The following SNHG17 variants were observed in gnomAD, a reference collection of about 807,000 sequenced individuals.
SNHG17 encodes the protein small nucleolar RNA host gene 17, also known as small nucleolar RNA host gene 17 (non-protein coding).
chr20:38,425,025 C>CA (rs2084223065), intron 5 of SNHG17: 1 of 319,148 alleles, frequency 3.1e-6, no homozygotes, highest in Non-Finnish European at 6.3e-6. Context: ...TCCAGCCCCC[C>CA]ACCACTAGAC....
intron 3 of SNHG17, among the ~76,000 whole-genome samples, chr20:38,427,150 T>C (rs1375036881): frequency 7.2e-6 from 1 of 139,380 alleles, no homozygotes; most frequent in African/African-American, 2.6e-5. Context: ...ACATATCACA[T>C]TCCCTTCCTG....
At chr20:38,428,063 A>C (rs11905314) in intron 3 of SNHG17, 1 of 152,134 alleles carries the variant, frequency 6.6e-6, no homozygotes, top group Non-Finnish European at 1.5e-5. Flanking sequence ...ATTCCTCCAG[A>C]CTCAACCTGC....
rs1271752674 is a variant in SNHG17, at chr20:38,430,371, T to C, written n.380+670A>G. Among the ~76,000 whole-genome samples the C allele has an allele frequency of 2.6e-5, 4 of 151,920 alleles. No individual in the cohort carries two copies. In the East Asian group the frequency reaches 7.7e-4, roughly 29 times the overall value. The stretch of plus-strand genomic sequence containing the variant: ...TAGGCCGGGCACAGTGGCTCACACC[T>C]GTAATCACAGCACTTTGGGAGGCCA... On this transcript the variant is annotated intron_variant and non_coding_transcript_variant, in intron 3 of 8. Transcript: ENST00000654008.
At chr20:38,426,430 C>T (rs1373939226) in exon 4 of SNHG17, 5 of 156,742 alleles carry the variant, frequency 3.2e-5, no homozygotes, top group African/African-American at 4.8e-5. Context: ...TTACAAGCAC[C>T]GCAGCTCAGC....
intron 5 of SNHG17, among the ~76,000 whole-genome samples, chr20:38,424,369 C>T (rs1011498180): frequency 6.6e-6 from 1 of 151,704 alleles, no homozygotes; most frequent in Non-Finnish European, 1.5e-5. Flanking sequence ...TTGTCTCCCC[C>T]GATTACTACT....
intron 4 of SNHG17, chr20:38,426,055 CAAAAAAAAAAAAAAAA>C (rs3073133): frequency 7.2e-5 from 6 of 83,148 alleles, no homozygotes; most frequent in African/African-American, 2.5e-4. Flanking sequence ...GACCCTGCCT[CAAAAAAAAAAAAAAAA>C]AAAAAAAATC....
chr20:38,435,278 G>C, exon 1 of SNHG17: 1 of 1,231,804 alleles, frequency 8.1e-7, no homozygotes, highest in Non-Finnish European at 1.0e-6. Flanking sequence ...TTCGAGAGAT[G>C]GGGTGCGGTG....
chr20:38,433,385 A>G (rs886221548), intron 2 of SNHG17, among the ~76,000 whole-genome samples: 14 of 152,254 alleles, frequency 9.2e-5, no homozygotes, highest in African/African-American at 3.4e-4. Flanking sequence ...AGTGGCTCAC[A>G]CCTGTAATTC....
At chr20:38,433,818 T>G (rs757299715) in intron 2 of SNHG17, 1 of 519,098 alleles carries the variant, frequency 1.9e-6, no homozygotes, top group South Asian at 1.4e-5. Context: ...CACTCACTAA[T>G]AAGACACCAA....
intron 3 of SNHG17, among the ~76,000 whole-genome samples, chr20:38,426,986 A>G (rs73905616): frequency 0.011 from 1,567 of 140,178 alleles, 54 homozygotes; most frequent in African/African-American, 0.041. Context: ...CCTGTCCCCA[A>G]GTTACACATA....
At chr20:38,422,587 C>T (rs972096656) in intron 5 of SNHG17, among the ~76,000 whole-genome samples, 7 of 152,132 alleles carry the variant, frequency 4.6e-5, no homozygotes, top group Admixed American at 4.6e-4. Flanking sequence ...ATTACATAGA[C>T]CCAGCTATCC....
At chr20:38,431,947 C>T (rs1390631061) in intron 2 of SNHG17, 4 of 960,046 alleles carry the variant, frequency 4.2e-6, no homozygotes, top group Middle Eastern at 5.3e-4. Context: ...AACCTGCATG[C>T]ACCCACCCTT....
intron 4 of SNHG17, chr20:38,426,055 CAAAAAA>C (rs3073133): frequency 0.038 from 3,167 of 83,156 alleles, 134 homozygotes; most frequent in African/African-American, 0.12. Flanking sequence ...GACCCTGCCT[CAAAAAA>C]AAAAAAAAAA....
chr20:38,432,947 G>T (rs1783791599), intron 2 of SNHG17, among the ~76,000 whole-genome samples: 1 of 152,030 alleles, frequency 6.6e-6, no homozygotes, highest in African/African-American at 2.4e-5. Context: ...ACCACGACCA[G>T]CCACAGTTGT....
chr20:38,425,170 G>GGTA (rs1450049764), intron 5 of SNHG17: 2 of 512,960 alleles, frequency 3.9e-6, no homozygotes, highest in Non-Finnish European at 7.8e-6. Flanking sequence ...GGTACCAGGA[G>GGTA]GTAACATCAC....
chr20:38,425,108 T>C (rs1421975235), intron 5 of SNHG17: 3 of 436,564 alleles, frequency 6.9e-6, no homozygotes, highest in African/African-American at 6.0e-5. Flanking sequence ...TCCGGCCTGT[T>C]GAACCTGGTG....
At chr20:38,428,929 G>T (rs1403523868) in intron 3 of SNHG17, 1 of 152,262 alleles carries the variant, frequency 6.6e-6, no homozygotes, top group Non-Finnish European at 1.5e-5. Flanking sequence ...CAACAGAAAT[G>T]AGTTACCTCA....
chr20:38,435,190 G>T, intron 1 of SNHG17: 2 of 1,232,194 alleles, frequency 1.6e-6, no homozygotes, highest in Non-Finnish European at 2.0e-6. Flanking sequence ...CCCTGCTGTG[G>T]ACTCACCCGG....
At chr20:38,435,286 G>C in exon 1 of SNHG17, 2 of 1,231,760 alleles carry the variant, frequency 1.6e-6, no homozygotes, top group Admixed American at 8.4e-5. Flanking sequence ...ATGGGGTGCG[G>C]TGGCGTGCGA....
Sources: gnomAD v4.1 joint callset for allele counts (sites outside exome capture counted in the v4.1 genomes callset) on GRCh38, gnomAD v4.1.1 for gene constraint, MANE v1.5 for transcripts, NCBI Gene and HGNC (gene_info 2026-07-23, HGNC 2026-07-21) for gene names.